The following DTNA variants were observed in gnomAD, a reference collection of about 807,000 sequenced individuals.
The protein encoded by DTNA is dystrobrevin alpha.
Under a neutral mutation model 100.7 loss-of-function variants are expected in DTNA, and 43 were observed. That is an observed-to-expected ratio of 0.43 (90% CI 0.33 to 0.55). The LOEUF (loss-of-function observed/expected upper bound fraction) is 0.55, where lower values mean the gene tolerates loss of function less well. Ranked by LOEUF, DTNA falls within the 20% of genes least tolerant of loss-of-function variation. The probability of loss-of-function intolerance (pLI) is 0.04; values close to 1 mark genes in which losing one functional copy is unlikely to be tolerated. For missense variants in DTNA, 798 were observed against 953.9 expected (o/e 0.84, Z 2.15); for synonymous variants, 349 against 347.9 (o/e 1.00, Z -0.04).
intron 17 of DTNA, among the ~76,000 whole-genome samples, chr18:34,864,944 C>T (rs2096678103): frequency 6.6e-6 from 1 of 152,104 alleles, no homozygotes; most frequent in Non-Finnish European, 1.5e-5. Context: ...AGCCTTATTC[C>T]CTTCTTTAGT....
intron 1 of DTNA, among the ~76,000 whole-genome samples, chr18:34,547,739 A>C (rs2145869118): frequency 6.6e-6 from 1 of 152,312 alleles, no homozygotes; most frequent in South Asian, 2.1e-4. Flanking sequence ...CAACATTTGA[A>C]AATCACTTCT....
At chr18:34,560,164 G>A (rs1262839140) in intron 1 of DTNA, among the ~76,000 whole-genome samples, 1 of 152,010 alleles carries the variant, frequency 6.6e-6, no homozygotes, top group East Asian at 1.9e-4. Flanking sequence ...TCCTCTCTGG[G>A]TTAGATACCT....
intron 1 of DTNA, among the ~76,000 whole-genome samples, chr18:34,605,979 C>T (rs756150105): frequency 1.8e-4 from 28 of 152,118 alleles, no homozygotes; most frequent in Non-Finnish European, 3.2e-4. Context: ...AACATCTATT[C>T]TCCTATAGTG....
At chr18:34,537,594 A>G (rs1259311540) in intron 1 of DTNA, among the ~76,000 whole-genome samples, 1 of 151,990 alleles carries the variant, frequency 6.6e-6, no homozygotes, top group Non-Finnish European at 1.5e-5. Flanking sequence ...ACCTCAATGC[A>G]TTTAAATTCT....
At chr18:34,776,775 C>A (rs945981695) in intron 3 of DTNA, among the ~76,000 whole-genome samples, 2 of 152,230 alleles carry the variant, frequency 1.3e-5, no homozygotes, top group Non-Finnish European at 2.9e-5. Flanking sequence ...ATAGCCCTGA[C>A]AATGGCCCAG....
At chr18:34,557,842 C>G (rs1171822561) in intron 1 of DTNA, 5 of 152,308 alleles carry the variant, frequency 3.3e-5, no homozygotes, top group African/African-American at 1.2e-4. Flanking sequence ...GCCCTGCCCC[C>G]AGAGGTGGAG....
intron 19 of DTNA, among the ~76,000 whole-genome samples, chr18:34,878,116 G>A (rs770662200): frequency 5.3e-5 from 8 of 151,986 alleles, no homozygotes; most frequent in Non-Finnish European, 7.4e-5. Flanking sequence ...GAGACTACAG[G>A]CACATGCCAG....
intron 1 of DTNA, among the ~76,000 whole-genome samples, chr18:34,675,998 T>C (rs1448839071): frequency 6.6e-6 from 1 of 152,200 alleles, no homozygotes. Flanking sequence ...GAGTGCTATT[T>C]ATGGTAGAAA....
chr18:34,595,540 T>G (rs2050419646), intron 1 of DTNA, among the ~76,000 whole-genome samples: 1 of 152,254 alleles, frequency 6.6e-6, no homozygotes, highest in Admixed American at 6.5e-5. Flanking sequence ...ATTGTCAATC[T>G]TAGCTTTTAT....
chr18:34,879,857 A>G lies in DTNA; in HGVS notation c.2162+138A>G. ...CATAGTTTTCTGTTCTGCCAGAGAT[A>G]TAGAAGGGTGCTACATTTAAATTCG... On this transcript the variant is annotated intron_variant, in intron 20 of 22. Transcript: ENST00000444659. The G allele has an allele frequency of 1.6e-5, 17 of 1,090,348 alleles. 1 individual carries two copies. The South Asian group carries it at 2.3e-4, about 15-fold the overall frequency. 67.5% of individuals were successfully genotyped at this position (1,090,348 alleles called of 1,614,324 possible).
At position 34,889,404 on chromosome 18, in the gene DTNA, A is replaced by G. The variant is rs1024522991; in HGVS notation, c.*1670A>G. 2.0e-6 allele frequency: 2 copies of G among 985,256 alleles called. No individual in the cohort carries two copies. The highest frequency in any genetic ancestry group is 2.4e-6 in the Non-Finnish European group (2 of 829,878). The allele number at this position is 985,256 out of a possible 1,614,324, so 61.0% of individuals were successfully genotyped here. A position where few individuals can be genotyped will look rare whatever the true frequency, so the allele number is the denominator to read the frequency against. On this transcript the variant is annotated 3_prime_UTR_variant, in exon 23 of 23. Transcript: ENST00000444659. ...CCTCTAGGTGATTCTGATGCTCGCT[A>G]AAGGTTGAGAACTACTGCTTTAGAA...
intron 1 of DTNA, among the ~76,000 whole-genome samples, chr18:34,745,330 G>A (rs1311706284): frequency 6.6e-6 from 1 of 152,046 alleles, no homozygotes; most frequent in East Asian, 1.9e-4. Context: ...TTCTCCTATG[G>A]AAATCAATTT....
chr18:34,837,895 C>T (rs1043536805), intron 11 of DTNA, among the ~76,000 whole-genome samples, 199 bp from the exon 12 acceptor site: 4 of 152,166 alleles, frequency 2.6e-5, no homozygotes, highest in East Asian at 1.9e-4. Flanking sequence ...ATGGTGATTG[C>T]GATTGTGGTT....
At chr18:34,728,669 A>G (rs1401064269) in intron 1 of DTNA, among the ~76,000 whole-genome samples, 1 of 152,172 alleles carries the variant, frequency 6.6e-6, no homozygotes, top group Non-Finnish European at 1.5e-5. Context: ...GGGCATCCCC[A>G]AGTTCTCTTC....
In DTNA at chr18:34,590,866, A is replaced by G. The variant is rs1346373983; in HGVS notation, c.-2+97352A>G. Among the ~76,000 whole-genome samples, 5 of 152,194 alleles carry G rather than the reference A, an allele frequency of 3.3e-5. No homozygotes were observed. In the East Asian group the frequency reaches 9.6e-4, roughly 29 times the overall value. The stretch of plus-strand genomic sequence containing the variant: ...TGCCTTGTGAAGGTTAGGGGGAAAA[A>G]GAAGGAAAAAAATGATTGTACTCAC... On this transcript the variant is annotated intron_variant, in intron 1 of 19. Transcript: ENST00000283365.
chr18:34,870,626 A>G (rs2096756049), intron 17 of DTNA, among the ~76,000 whole-genome samples: 1 of 152,116 alleles, frequency 6.6e-6, no homozygotes, highest in Non-Finnish European at 1.5e-5. Context: ...TCTCTGGTTC[A>G]CAATAAAGTC....
At chr18:34,686,418 T>C (rs1407082743) in intron 1 of DTNA, among the ~76,000 whole-genome samples, 1 of 152,180 alleles carries the variant, frequency 6.6e-6, no homozygotes, top group Non-Finnish European at 1.5e-5. Context: ...TGTCATTGGT[T>C]CTGTTTATGT....
At chr18:34,805,514 A>G (rs1259847629) in intron 4 of DTNA, among the ~76,000 whole-genome samples, 1 of 152,058 alleles carries the variant, frequency 6.6e-6, no homozygotes, top group Non-Finnish European at 1.5e-5. Flanking sequence ...CAGTAGAGAC[A>G]GGATATCACC....
intron 8 of DTNA, chr18:34,818,672 T>C (rs983443478): frequency 8.9e-7 from 1 of 1,129,918 alleles, no homozygotes; most frequent in African/African-American, 1.6e-5. Context: ...TTTCCAAGTT[T>C]TGTTTTGTGG....
Sources: allele counts gnomAD v4.1 joint callset (sites outside exome capture counted in the v4.1 genomes callset), GRCh38; gene constraint gnomAD v4.1.1; transcripts MANE v1.5; gene names NCBI Gene and HGNC (gene_info 2026-07-23, HGNC 2026-07-21).